SGCZ: variants seen among roughly 807,000 people sequenced by gnomAD.
SGCZ encodes zeta-sarcoglycan.
Under a neutral mutation model 41.3 loss-of-function variants are expected in SGCZ, and 40 were observed. The ratio of observed to expected loss-of-function variants is 0.97; its 90% CI spans 0.75 to 1.26. The LOEUF is 1.26. Among genes scored for constraint, SGCZ ranks in the 50% most tolerant of loss-of-function variants. SGCZ has a pLI of 0.00. For missense variants in SGCZ, 552 were observed against 369.8 expected (o/e 1.49, Z -4.04); for synonymous variants, 206 against 137.5 (o/e 1.50, Z -3.49).
intron 2 of SGCZ, among the ~76,000 whole-genome samples, chr8:14,411,473 A>C (rs1243473743): frequency 1.3e-5 from 2 of 152,134 alleles, no homozygotes; most frequent in African/African-American, 2.4e-5. Flanking sequence ...TATCAAGTTT[A>C]TAATGACATT....
chr8:15,075,933 C>CA (rs1361403751), intron 1 of SGCZ, among the ~76,000 whole-genome samples: 2,957 of 138,210 alleles, frequency 0.021, 113 homozygotes, highest in African/African-American at 0.073. Flanking sequence ...TATCCCAGAC[C>CA]AAAAAAAAAA....
intron 3 of SGCZ, among the ~76,000 whole-genome samples, chr8:14,278,217 G>C (rs942318175): frequency 6.6e-6 from 1 of 152,014 alleles, no homozygotes; most frequent in Non-Finnish European, 1.5e-5. Flanking sequence ...CCCCTCCTCC[G>C]TAAGGTATTT....
chr8:14,976,315 G>T (rs1294343916), intron 1 of SGCZ, among the ~76,000 whole-genome samples: 1 of 151,780 alleles, frequency 6.6e-6, no homozygotes, highest in Non-Finnish European at 1.5e-5. Context: ...CAGCCACCGC[G>T]CCTGTCCCTC....
intron 1 of SGCZ, among the ~76,000 whole-genome samples, chr8:15,073,357 G>A (rs1218500214): frequency 2.0e-5 from 3 of 152,146 alleles, no homozygotes; most frequent in Non-Finnish European, 2.9e-5. Flanking sequence ...GAAGAGGAAA[G>A]AGAGAGGATG....
intron 1 of SGCZ, among the ~76,000 whole-genome samples, chr8:14,812,372 G>T (rs1237597420): frequency 6.6e-6 from 1 of 151,984 alleles, no homozygotes; most frequent in Non-Finnish European, 1.5e-5. Flanking sequence ...AATTGCCTAT[G>T]AATTGTTACA....
intron 2 of SGCZ, among the ~76,000 whole-genome samples, chr8:14,491,571 C>G (rs1013987176): frequency 6.6e-6 from 1 of 152,072 alleles, no homozygotes; most frequent in Non-Finnish European, 1.5e-5. Context: ...TTTTTTATAT[C>G]CTTTAATAGA....
intron 4 of SGCZ, among the ~76,000 whole-genome samples, chr8:14,191,901 G>A (rs950707938): frequency 1.3e-4 from 19 of 151,870 alleles, no homozygotes; most frequent in African/African-American, 4.1e-4. Context: ...TCATAATACT[G>A]AAATTTTATC....
intron 1 of SGCZ, among the ~76,000 whole-genome samples, chr8:14,854,851 C>T (rs1047424552): frequency 6.6e-6 from 1 of 151,878 alleles, no homozygotes; most frequent in African/African-American, 2.4e-5. Flanking sequence ...TCTTTAATCT[C>T]TGCTACCCTA....
intron 2 of SGCZ, among the ~76,000 whole-genome samples, chr8:14,459,305 A>T (rs563648105): frequency 1.3e-5 from 2 of 152,148 alleles, no homozygotes; most frequent in East Asian, 3.9e-4. Flanking sequence ...ATTAGGAGAT[A>T]TACCTAATGT....
intron 2 of SGCZ, among the ~76,000 whole-genome samples, chr8:14,418,633 A>G (rs1260166635): frequency 2.0e-5 from 3 of 152,064 alleles, no homozygotes; most frequent in Non-Finnish European, 4.4e-5. Context: ...ATTATCAACA[A>G]CAAGGTAAAT....
chr8:14,634,432 T>C (rs757801979), intron 1 of SGCZ, among the ~76,000 whole-genome samples: 13 of 151,912 alleles, frequency 8.6e-5, no homozygotes, highest in Non-Finnish European at 1.5e-4. Context: ...ATTTTGAGTA[T>C]TTGGCCACTT....
intron 2 of SGCZ, among the ~76,000 whole-genome samples, chr8:14,344,507 C>T (rs1320140999): frequency 6.6e-6 from 1 of 151,994 alleles, no homozygotes; most frequent in Non-Finnish European, 1.5e-5. Context: ...AGATAAACAA[C>T]ATCTTAAAAA....
chr8:14,120,383 G>T (rs73520399), intron 5 of SGCZ, among the ~76,000 whole-genome samples: 28,321 of 152,052 alleles, frequency 0.19, 3,463 homozygotes, highest in East Asian at 0.64. Context: ...GAAGTTGTCA[G>T]GTACAACATA....
intron 3 of SGCZ, among the ~76,000 whole-genome samples, chr8:14,291,685 A>G (rs1363447842): frequency 6.6e-6 from 1 of 151,952 alleles, no homozygotes; most frequent in African/African-American, 2.4e-5. Flanking sequence ...GGAAACATAT[A>G]TATATATGTA....
chr8:14,402,270 T>C (rs868291356), intron 2 of SGCZ, among the ~76,000 whole-genome samples: 2 of 151,472 alleles, frequency 1.3e-5, no homozygotes, highest in South Asian at 2.1e-4. Flanking sequence ...TTTCTTTTGC[T>C]GTGCAGAAGC....
At chr8:14,398,782 T>A (rs1387891245) in intron 2 of SGCZ, among the ~76,000 whole-genome samples, 1 of 152,130 alleles carries the variant, frequency 6.6e-6, no homozygotes, top group African/African-American at 2.4e-5. Context: ...CATTGATGTT[T>A]TATGGCTACC....
chr8:15,233,741 G>A (rs1274235518), intron 1 of SGCZ, among the ~76,000 whole-genome samples: 1 of 151,976 alleles, frequency 6.6e-6, no homozygotes, highest in Non-Finnish European at 1.5e-5. Flanking sequence ...TTTGTAACGT[G>A]CAAAATAATT....
chr8:14,288,754 GT>G (rs1800735436), intron 3 of SGCZ, among the ~76,000 whole-genome samples: 1 of 152,082 alleles, frequency 6.6e-6, no homozygotes. Context: ...TTGTGTACAA[GT>G]TTTTGTTTGA....
chr8:15,143,207 C>G (rs1481149255), intron 1 of SGCZ, among the ~76,000 whole-genome samples: 1 of 152,152 alleles, frequency 6.6e-6, no homozygotes, highest in African/African-American at 2.4e-5. Context: ...TTGTCTGCTA[C>G]AAACATAATA....
Sources: gnomAD v4.1 joint callset for allele counts (sites outside exome capture counted in the v4.1 genomes callset) on GRCh38, gnomAD v4.1.1 for gene constraint, MANE v1.5 for transcripts, NCBI Gene and HGNC (gene_info 2026-07-23, HGNC 2026-07-21) for gene names.